PLXNC1: variants seen among roughly 807,000 people sequenced by gnomAD.
PLXNC1 encodes plexin-C1.
Under a neutral mutation model 178.2 loss-of-function variants are expected in PLXNC1, and 75 were observed. The ratio of observed to expected loss-of-function variants is 0.42; its 90% CI spans 0.35 to 0.51. PLXNC1 has a LOEUF of 0.51. PLXNC1 is among the 20% of genes least tolerant of loss of function. The pLI is 0.02. For missense variants in PLXNC1, 1,503 were observed against 1,984.4 expected (o/e 0.76, Z 4.61); for synonymous variants, 790 against 779.9 (o/e 1.01, Z -0.22).
At chr12:94,286,142 T>C (rs2136166069) in intron 23 of PLXNC1, among the ~76,000 whole-genome samples, 1 of 152,356 alleles carries the variant, frequency 6.6e-6, no homozygotes, top group Non-Finnish European at 1.5e-5. Context: ...TAATCCGGCC[T>C]GTAGTCACTT....
At chr12:94,258,149 AAC>A (rs1964906784) in intron 17 of PLXNC1, among the ~76,000 whole-genome samples, 1 of 152,186 alleles carries the variant, frequency 6.6e-6, no homozygotes, top group South Asian at 2.1e-4. Flanking sequence ...CAAACAAAAA[AAC>A]ACACAGAGAG....
chr12:94,218,247 G>T (rs1963699483), intron 5 of PLXNC1, among the ~76,000 whole-genome samples: 1 of 152,154 alleles, frequency 6.6e-6, no homozygotes, highest in Non-Finnish European at 1.5e-5. Flanking sequence ...AGGTGAAGTG[G>T]ACTGAAAGAA....
At chr12:94,164,718 A>AAC (rs1472374375) in intron 1 of PLXNC1, among the ~76,000 whole-genome samples, 22 of 143,084 alleles carry the variant, frequency 1.5e-4, no homozygotes, top group African/African-American at 5.0e-4. Context: ...TACACACACA[A>AAC]ACACACACAC....
intron 1 of PLXNC1, among the ~76,000 whole-genome samples, chr12:94,158,590 G>A (rs954785578): frequency 2.0e-5 from 3 of 152,172 alleles, no homozygotes; most frequent in Non-Finnish European, 4.4e-5. Context: ...GAGCCCAGGA[G>A]TTTTAAGACT....
chr12:94,281,399 G>T (rs1412024019), intron 22 of PLXNC1, among the ~76,000 whole-genome samples: 1 of 152,162 alleles, frequency 6.6e-6, no homozygotes, highest in African/African-American at 2.4e-5. Context: ...ATACATAAGG[G>T]GTGTCAGCCG....
At chr12:94,169,505 G>C (rs892599915) in intron 2 of PLXNC1, among the ~76,000 whole-genome samples, 1 of 152,052 alleles carries the variant, frequency 6.6e-6, no homozygotes, top group African/African-American at 2.4e-5. Context: ...CAGCTACCTT[G>C]CTGCCCAGGA....
At position 94,297,208 on chromosome 12, in the gene PLXNC1, C is replaced by A. The variant is rs1369076123; in HGVS notation, c.3954C>A (p.Asp1318Glu). ...ATTCAGATGTGGAGTACTCGGATGA[C>A]CACTGCCATTTGGTGAGTTCAGGCT... is the stretch of plus-strand genomic sequence containing the variant. ...NFTSDVEYSD[D>E]HCHLILPDSE... is the part of the protein sequence containing the mutation. Residue 1318 changes from aspartate (D) to glutamate (E), a missense_variant, in exon 25 of 31, where the codon GAC becomes GAA. By Grantham distance (45) the Asp-to-Glu change is conservative. Coordinates refer to ENST00000258526, the MANE Select transcript of PLXNC1 (RefSeq NM_005761.3). 6.2e-7 allele frequency: 1 copy of A among 1,614,042 alleles called. No individual in the cohort carries two copies. Among genetic ancestry groups the A allele is most frequent in the East Asian group, 2.2e-5 (1 of 44,882 alleles).
At chr12:94,209,802 A>C in intron 5 of PLXNC1, 98 bp downstream of exon 5, 1 of 754,058 alleles carries the variant, frequency 1.3e-6, no homozygotes, top group East Asian at 2.6e-5. Context: ...TTAGCAATCA[A>C]ACATGCTTAG....
rs1470448546 is a variant in PLXNC1 at position 94,255,273 on chromosome 12, G to C, written c.3064G>C (p.Ala1022Pro). ...TCCCTTCCTTGACTACAAACATTTT[G>C]CTCTGAGAACTTTCTTCCCTGAGGT... is the stretch of plus-strand genomic sequence containing the variant. ...TVPFLDYKHF[A>P]LRTFFPESGG... The change falls in exon 17 of 31, where the codon GCT becomes CCT. Residue 1022 changes from alanine to proline, a missense_variant. By Grantham distance (27) the Ala-to-Pro change is conservative. Around this residue, in one of 4 missense-constraint regions of PLXNC1, gnomAD observed 639 missense variants for 979.7 expected, o/e 0.65. Coordinates refer to ENST00000258526, the MANE Select transcript of PLXNC1 (RefSeq NM_005761.3). The C allele has an allele frequency of 1.2e-6, 2 of 1,611,830 alleles. No individual in the cohort carries two copies. Among genetic ancestry groups the C allele is most frequent in the Non-Finnish European group, 1.7e-6 (2 of 1,178,042 alleles).
At chr12:94,178,945 A>G (rs549771319) in intron 2 of PLXNC1, among the ~76,000 whole-genome samples, 1 of 152,258 alleles carries the variant, frequency 6.6e-6, no homozygotes, top group East Asian at 1.9e-4. Flanking sequence ...GGTTAGTGAG[A>G]TTGACTTTTA....
chr12:94,188,526 G>T (rs905091715), intron 4 of PLXNC1, among the ~76,000 whole-genome samples: 3 of 152,046 alleles, frequency 2.0e-5, no homozygotes, highest in Non-Finnish European at 4.4e-5. Context: ...GTTTCACCAT[G>T]TTGGCCAGGT....
chr12:94,292,594 A>G (rs1967448984), intron 23 of PLXNC1, among the ~76,000 whole-genome samples: 4 of 152,230 alleles, frequency 2.6e-5, no homozygotes, highest in African/African-American at 9.6e-5. Flanking sequence ...ATTTGCTTGG[A>G]TTCTAGAATA....
chr12:94,249,156 C>G (rs909516461), intron 14 of PLXNC1, among the ~76,000 whole-genome samples: 1 of 152,202 alleles, frequency 6.6e-6, no homozygotes, highest in Non-Finnish European at 1.5e-5. Context: ...CAGTTAATAG[C>G]TCTGTGGCCT....
chr12:94,234,705 G>C (rs1964195549), intron 9 of PLXNC1, among the ~76,000 whole-genome samples: 1 of 152,206 alleles, frequency 6.6e-6, no homozygotes, highest in Non-Finnish European at 1.5e-5. Flanking sequence ...CTAAGAATTT[G>C]TCTCTTTGTA....
At chr12:94,270,533 T>C (rs1965507513) in intron 21 of PLXNC1, among the ~76,000 whole-genome samples, 1 of 152,158 alleles carries the variant, frequency 6.6e-6, no homozygotes. Flanking sequence ...GGAAATGCCT[T>C]GCCACTATTT....
At chr12:94,267,238 G>A (rs1278167070) in intron 21 of PLXNC1, among the ~76,000 whole-genome samples, 2 of 152,226 alleles carry the variant, frequency 1.3e-5, no homozygotes, top group Non-Finnish European at 2.9e-5. Flanking sequence ...GGAAAGACAG[G>A]AAAGGAGAAG....
chr12:94,199,602 T>G (rs1277057973), intron 4 of PLXNC1, among the ~76,000 whole-genome samples: 2 of 152,176 alleles, frequency 1.3e-5, no homozygotes, highest in Non-Finnish European at 2.9e-5. Context: ...GGGGTCAACC[T>G]GTGTCCTGTG....
At chr12:94,282,085 C>T (rs1182813438) in intron 22 of PLXNC1, 7 of 487,012 alleles carry the variant, frequency 1.4e-5, no homozygotes, top group Non-Finnish European at 2.6e-5. Context: ...CCAGGCTTAT[C>T]AGGGAAGAAG....
chr12:94,175,073 T>C (rs561073787), intron 2 of PLXNC1, among the ~76,000 whole-genome samples: 30 of 152,340 alleles, frequency 2.0e-4, no homozygotes, highest in Admixed American at 9.8e-4. Context: ...ATTAAATACT[T>C]ACCTTGCTTT....
Sources: allele counts gnomAD v4.1 joint callset (sites outside exome capture counted in the v4.1 genomes callset), GRCh38; gene constraint gnomAD v4.1.1; regional missense constraint gnomAD v4.1.1; transcripts MANE v1.5; gene names NCBI Gene and HGNC (gene_info 2026-07-23, HGNC 2026-07-21).